The following PKP2 variants were observed in gnomAD, a reference collection of about 807,000 sequenced individuals.
PKP2 encodes plakophilin 2, also known as plakophilin-2.
PKP2 carries 73 observed loss-of-function variants against 83.4 expected under a neutral mutation model. That is an observed-to-expected ratio of 0.88 (90% confidence interval 0.72 to 1.06). The LOEUF is 1.06. Ranked by LOEUF, PKP2 falls within the 50% of genes least tolerant of loss-of-function variation. The pLI is 0.00. For synonymous variants in PKP2, 409 were observed against 430.4 expected (o/e 0.95, Z 0.62); for missense variants, 966 against 1,065.4 (o/e 0.91, Z 1.30).
chr12:32,853,838 A>G (rs796498191), intron 4 of PKP2, among the ~76,000 whole-genome samples: 8 of 152,334 alleles, frequency 5.3e-5, no homozygotes, highest in African/African-American at 1.2e-4. Flanking sequence ...AAGTTAAACT[A>G]CAGAAAGAAA....
chr12:32,811,330 T>G (rs1956275475), intron 9 of PKP2, among the ~76,000 whole-genome samples: 1 of 152,230 alleles, frequency 6.6e-6, no homozygotes, highest in African/African-American at 2.4e-5. Context: ...CTGTAGTCAG[T>G]GTCTTTCTGA....
intron 5 of PKP2, among the ~76,000 whole-genome samples, chr12:32,849,018 A>AC (rs1555145330): frequency 2.6e-3 from 396 of 151,858 alleles, no homozygotes; most frequent in African/African-American, 9.2e-3. Context: ...AAAAAAAAAA[A>AC]AAAAAACCTC....
intron 1 of PKP2, among the ~76,000 whole-genome samples, chr12:32,881,358 C>T (rs896440491): frequency 6.6e-6 from 1 of 152,108 alleles, no homozygotes; most frequent in African/African-American, 2.4e-5. Context: ...GGTCAGGCAG[C>T]CACTTAATTT....
intron 3 of PKP2, among the ~76,000 whole-genome samples, chr12:32,874,016 G>T (rs1040365675): frequency 6.6e-6 from 1 of 152,050 alleles, no homozygotes; most frequent in African/African-American, 2.4e-5. Context: ...TCATCAGTTT[G>T]TCTCTCTCAC....
intron 4 of PKP2, 30 bp from the exon 5 acceptor site, chr12:32,851,003 T>C (rs1956692343): frequency 6.3e-7 from 1 of 1,581,706 alleles, no homozygotes; most frequent in East Asian, 2.2e-5. Flanking sequence ...ATATTTCTAA[T>C]ATTAATTTTG....
intron 7 of PKP2, 106 bp from the exon 8 acceptor site, chr12:32,822,737 C>T: frequency 1.6e-6 from 2 of 1,252,546 alleles, no homozygotes; most frequent in Non-Finnish European, 2.3e-6. Context: ...CCAGATGCAA[C>T]TGGGTGTGCT....
At chr12:32,833,407 C>T (rs1350652950) in intron 6 of PKP2, among the ~76,000 whole-genome samples, 3 of 152,076 alleles carry the variant, frequency 2.0e-5, no homozygotes, top group African/African-American at 7.2e-5. Flanking sequence ...ACAGTTGTAA[C>T]TGAATGCATT....
chr12:32,886,280 T>C (rs1352414986), intron 1 of PKP2, among the ~76,000 whole-genome samples: 2 of 152,208 alleles, frequency 1.3e-5, no homozygotes, highest in Non-Finnish European at 2.9e-5. Context: ...CCACAAATCT[T>C]AAAAGATTTA....
In PKP2 at chr12:32,790,867, A is replaced by G. The variant is rs1172700361; in HGVS notation, c.*1557T>C. On this transcript the variant is annotated 3_prime_UTR_variant, in exon 13 of 13. Coordinates refer to ENST00000340811, the MANE Select transcript of PKP2 (RefSeq NM_001005242.3). ...ATGCACTCCAAATGCTTATCATCAG[A>G]ACTCTGGAAAAAGACATATAAATTC... is the stretch of plus-strand genomic sequence containing the variant. 2 of 152,202 alleles carry G rather than the reference A, an allele frequency of 1.3e-5. No homozygotes were observed. Among genetic ancestry groups the G allele is most frequent in the African/African-American group, 4.8e-5 (2 of 41,458 alleles). 9.4% of individuals were successfully genotyped at this position (152,202 alleles called of 1,614,324 possible).
chr12:32,879,047 A>G lies in PKP2; in HGVS notation c.224-15T>C, dbSNP rs1275408410. 1 of 1,267,312 alleles carries G rather than the reference A, an allele frequency of 7.9e-7. No individual in the cohort carries two copies. The highest frequency in any genetic ancestry group is 1.2e-6 in the Non-Finnish European group (1 of 865,332). The allele number at this position is 1,267,312 out of a possible 1,614,324, so 78.5% of individuals were successfully genotyped here. On this transcript the variant is annotated splice_polypyrimidine_tract_variant and intron_variant, in intron 1 of 12. Coordinates refer to ENST00000340811, the MANE Select transcript of PKP2 (RefSeq NM_001005242.3). ...GTGAAGATTTCCTGCAATCAAGCAA[A>G]TATTAAAATAACTCAGAATACAAGT... is the stretch of plus-strand genomic sequence containing the variant.
intron 4 of PKP2, among the ~76,000 whole-genome samples, chr12:32,864,337 CAT>C (rs370203988): frequency 2.2e-3 from 293 of 131,606 alleles, no homozygotes; most frequent in African/African-American, 6.7e-3. Context: ...CACACACACA[CAT>C]ACACACGTAA....
intron 7 of PKP2, 91 bp from the exon 8 acceptor site, chr12:32,822,722 G>C: frequency 7.1e-7 from 1 of 1,414,674 alleles, no homozygotes; most frequent in East Asian, 2.3e-5. Flanking sequence ...CTCTTACAAG[G>C]TTTACCAGAT....
At chr12:32,813,385 A>C (rs1259307523) in intron 9 of PKP2, among the ~76,000 whole-genome samples, 1 of 152,220 alleles carries the variant, frequency 6.6e-6, no homozygotes, top group Non-Finnish European at 1.5e-5. Flanking sequence ...ATGCTAATCA[A>C]CTTACTTTAA....
At chr12:32,858,123 ATAT>A (rs1956770499) in intron 4 of PKP2, among the ~76,000 whole-genome samples, 2 of 100,752 alleles carry the variant, frequency 2.0e-5, no homozygotes, top group African/African-American at 7.7e-5. Flanking sequence ...ATATTTATAT[ATAT>A]TTTATATTTA....
At chr12:32,808,436 C>T (rs946840769) in intron 9 of PKP2, among the ~76,000 whole-genome samples, 1 of 152,160 alleles carries the variant, frequency 6.6e-6, no homozygotes. Context: ...ATTGTTTTAT[C>T]ATGATTCTTA....
intron 6 of PKP2, among the ~76,000 whole-genome samples, chr12:32,836,000 CATG>C (rs1304918723): frequency 6.6e-6 from 1 of 152,220 alleles, no homozygotes; most frequent in African/African-American, 2.4e-5. Flanking sequence ...AAGCTACCAA[CATG>C]ATGTCACTGA....
chr12:32,852,894 C>T (rs1011527540), intron 4 of PKP2, among the ~76,000 whole-genome samples: 2 of 152,012 alleles, frequency 1.3e-5, no homozygotes, highest in African/African-American at 2.4e-5. Flanking sequence ...CCAGCCTGGC[C>T]AACATAGTGA....
chr12:32,872,788 G>A lies in PKP2; in HGVS notation c.1035-3726C>T, dbSNP rs550191076. The stretch of plus-strand genomic sequence containing the variant: ...GATGAAAGCAATGCTTTGGAAAGAT[G>A]ACTCTGGAATGGATATGTGTTTCTT... On this transcript the variant is annotated intron_variant, in intron 3 of 12. Coordinates refer to ENST00000340811, the MANE Select transcript of PKP2 (RefSeq NM_001005242.3). Among the ~76,000 whole-genome samples the A allele has an allele frequency of 3.9e-5, 6 of 152,256 alleles. No individual in the cohort carries two copies. In the South Asian group the frequency reaches 1.2e-3, roughly 32 times the overall value.
intron 9 of PKP2, among the ~76,000 whole-genome samples, chr12:32,806,144 G>C (rs1209079100): frequency 6.6e-6 from 1 of 152,154 alleles, no homozygotes; most frequent in African/African-American, 2.4e-5. Context: ...TTGTATCTAT[G>C]TTCACCATGG....
Sources: gnomAD v4.1 joint callset for allele counts (sites outside exome capture counted in the v4.1 genomes callset) on GRCh38, gnomAD v4.1.1 for gene constraint, MANE v1.5 for transcripts, NCBI Gene and HGNC (gene_info 2026-07-23, HGNC 2026-07-21) for gene names.